DTNA: variants seen among roughly 807,000 people sequenced by gnomAD.
DTNA encodes dystrobrevin alpha, also known as dystrophin-related protein 3.
DTNA carries 43 observed loss-of-function variants against 100.7 expected under a neutral mutation model. The observed-to-expected ratio is 0.43, with a 90% CI of 0.33 to 0.55. DTNA has a LOEUF of 0.55. DTNA is among the 20% of genes least tolerant of loss of function. The probability of loss-of-function intolerance (pLI) is 0.04; values close to 1 mark genes in which losing one functional copy is unlikely to be tolerated. For missense variants in DTNA, 798 were observed against 953.9 expected (o/e 0.84, Z 2.15); for synonymous variants, 349 against 347.9 (o/e 1.00, Z -0.04).
At chr18:34,886,423 T>C (rs776560776) in intron 22 of DTNA, among the ~76,000 whole-genome samples, 31 of 152,208 alleles carry the variant, frequency 2.0e-4, no homozygotes, top group Non-Finnish European at 4.1e-4. Flanking sequence ...ACTCCAGTTA[T>C]AACAAATTTA....
chr18:34,678,050 G>T (rs919608266), intron 1 of DTNA, among the ~76,000 whole-genome samples: 1 of 152,154 alleles, frequency 6.6e-6, no homozygotes, highest in Non-Finnish European at 1.5e-5. Context: ...AGCAGCAGGA[G>T]AGAGAAGTGC....
At chr18:34,856,915 T>C (rs1368295043) in intron 15 of DTNA, among the ~76,000 whole-genome samples, 4 of 152,210 alleles carry the variant, frequency 2.6e-5, no homozygotes, top group African/African-American at 4.8e-5. Flanking sequence ...ACAAAGAGAA[T>C]AGCAGGAGTC....
upstream of DTNA, among the ~76,000 whole-genome samples, chr18:34,707,702 GTC>G (rs1298664750): frequency 6.6e-6 from 1 of 152,196 alleles, no homozygotes; most frequent in Non-Finnish European, 1.5e-5. Context: ...GTCAGTGAGA[GTC>G]TCTATTCAGC....
intron 4 of DTNA, among the ~76,000 whole-genome samples, chr18:34,805,454 A>G (rs1327644760): frequency 6.6e-6 from 1 of 152,120 alleles, no homozygotes; most frequent in East Asian, 1.9e-4. Context: ...CCACCTAAGT[A>G]GCTGGGATTA....
Position 34,605,341 on chromosome 18 carries a change from G to A in DTNA, c.-2+111827G>A, listed in dbSNP as rs141568458. On this transcript the variant is annotated intron_variant, in intron 1 of 19. Coordinates refer to the DTNA transcript ENST00000283365. ...TGTATGGACCCACATGTCCAAATGTGTGTTTGAGCTTTTTAAACAAGCTTT... is the reference window on the plus strand; with the variant it reads ...TGTATGGACCCACATGTCCAAATGTATGTTTGAGCTTTTTAAACAAGCTTT... Among the ~76,000 whole-genome samples the A allele has an allele frequency of 5.4e-3, 823 of 152,240 alleles. 6 individuals carry two copies. The highest frequency in any genetic ancestry group is 0.017 in the African/African-American group (725 of 41,554).
chr18:34,717,887 GAA>G (rs2084373756), intron 1 of DTNA, among the ~76,000 whole-genome samples: 1 of 152,166 alleles, frequency 6.6e-6, no homozygotes, highest in Non-Finnish European at 1.5e-5. Context: ...CAGCAGCACA[GAA>G]AATAGACTAG....
chr18:34,635,791 G>C (rs1393010084), intron 1 of DTNA, among the ~76,000 whole-genome samples: 1 of 152,032 alleles, frequency 6.6e-6, no homozygotes, highest in African/African-American at 2.4e-5. Context: ...CATGCTCATG[G>C]AGACAAAGGC....
chr18:34,744,826 CA>C (rs1462035003), intron 1 of DTNA, among the ~76,000 whole-genome samples: 1 of 152,142 alleles, frequency 6.6e-6, no homozygotes, highest in East Asian at 1.9e-4. Context: ...GCCCCACAAC[CA>C]GTACCCTCGG....
chr18:34,637,874 C>T (rs1185537982), intron 1 of DTNA, among the ~76,000 whole-genome samples: 2 of 152,212 alleles, frequency 1.3e-5, no homozygotes, highest in East Asian at 3.8e-4. Context: ...TTTGAGAGCA[C>T]TGAGCTAAGC....
intron 1 of DTNA, among the ~76,000 whole-genome samples, chr18:34,625,978 G>C (rs1308287174): frequency 6.6e-6 from 1 of 152,140 alleles, no homozygotes; most frequent in Non-Finnish European, 1.5e-5. Context: ...GGTGCTTTGT[G>C]AATGCCAAGA....
chr18:34,682,523 C>G (rs1336708413), intron 1 of DTNA, among the ~76,000 whole-genome samples: 1 of 152,148 alleles, frequency 6.6e-6, no homozygotes, highest in African/African-American at 2.4e-5. Context: ...GCTCCATATC[C>G]TCTCCAGCAT....
chr18:34,828,038 T>C (rs1044666079), intron 10 of DTNA, among the ~76,000 whole-genome samples: 2 of 152,196 alleles, frequency 1.3e-5, no homozygotes, highest in Non-Finnish European at 2.9e-5. Flanking sequence ...AATGGTGTGT[T>C]ACTATATAAA....
chr18:34,655,670 A>G (rs908852962), intron 1 of DTNA, among the ~76,000 whole-genome samples: 5 of 152,194 alleles, frequency 3.3e-5, no homozygotes, highest in Admixed American at 6.5e-5. Flanking sequence ...CCTCTTTTCT[A>G]TAAGTGTTTA....
chr18:34,838,062 G>A (rs755128844), intron 11 of DTNA, 32 bp from the exon 12 acceptor site: 9 of 1,606,374 alleles, frequency 5.6e-6, no homozygotes, highest in Admixed American at 1.7e-5. Flanking sequence ...CCGTGTTTAC[G>A]CTCTTCTTGG....
chr18:34,764,977 G>A (rs1289344732), intron 2 of DTNA, among the ~76,000 whole-genome samples: 1 of 152,176 alleles, frequency 6.6e-6, no homozygotes, highest in Non-Finnish European at 1.5e-5. Flanking sequence ...AAAGGAGGGT[G>A]GGAGGAATAC....
At chr18:34,631,924 G>C (rs561183017) in intron 1 of DTNA, among the ~76,000 whole-genome samples, 1 of 152,030 alleles carries the variant, frequency 6.6e-6, no homozygotes, top group Admixed American at 6.6e-5. Context: ...TACTTCTATC[G>C]GGAGTTTCAC....
chr18:34,748,950 C>T (rs1568399350), intron 1 of DTNA, among the ~76,000 whole-genome samples: 1 of 152,078 alleles, frequency 6.6e-6, no homozygotes, highest in Non-Finnish European at 1.5e-5. Context: ...GGGTGTGTTT[C>T]TATTTGTTTG....
chr18:34,794,604 T>G (rs2094891040), intron 4 of DTNA, among the ~76,000 whole-genome samples: 1 of 152,170 alleles, frequency 6.6e-6, no homozygotes, highest in Non-Finnish European at 1.5e-5. Context: ...AACTCTCTTC[T>G]TTGCAAATTG....
chr18:34,634,468 A>C (rs1168380159), intron 1 of DTNA, among the ~76,000 whole-genome samples: 1 of 152,160 alleles, frequency 6.6e-6, no homozygotes, highest in African/African-American at 2.4e-5. Context: ...ATGTTTTCAC[A>C]TTTTTGCAAA....
Sources: allele counts gnomAD v4.1 joint callset (sites outside exome capture counted in the v4.1 genomes callset), GRCh38; gene constraint gnomAD v4.1.1; transcripts MANE v1.5; gene names NCBI Gene and HGNC (gene_info 2026-07-23, HGNC 2026-07-21).